The following CNTN5 variants were observed in gnomAD, a reference collection of about 807,000 sequenced individuals.
CNTN5 encodes contactin-5.
A neutral mutation model predicts 129.1 loss-of-function variants in CNTN5; 77 were observed. That is an observed-to-expected ratio of 0.60 (90% CI 0.50 to 0.72). CNTN5 has a LOEUF of 0.72. Ranked by LOEUF, CNTN5 falls within the 30% of genes least tolerant of loss-of-function variation. The pLI, the probability that CNTN5 is intolerant of heterozygous loss-of-function variation, is 0.00. For missense variants in CNTN5, 1,478 were observed against 1,328.8 expected (o/e 1.11, Z -1.75); for synonymous variants, 509 against 465.6 (o/e 1.09, Z -1.20).
chr11:99,080,608 C>T (rs1865752073), intron 1 of CNTN5, among the ~76,000 whole-genome samples: 1 of 152,116 alleles, frequency 6.6e-6, no homozygotes. Flanking sequence ...AGCCAGCTCC[C>T]CTTAAGTGGC....
intron 1 of CNTN5, among the ~76,000 whole-genome samples, chr11:99,101,365 C>G (rs1042917798): frequency 1.3e-5 from 2 of 152,190 alleles, no homozygotes; most frequent in African/African-American, 4.8e-5. Flanking sequence ...CAAAACCAAT[C>G]TTGCATTCCC....
rs1300316213 is a variant in CNTN5 at position 100,223,578 on chromosome 11, C to A, written c.1885-1114C>A. 3.9e-5 allele frequency among the ~76,000 whole-genome samples: 6 copies of A among 152,076 alleles called. No individual in the cohort carries two copies. In the East Asian group the frequency reaches 1.2e-3, roughly 29 times the overall value. ...TAAATAATTATCAGGATACTGACTACTAAGAACAAACACATCACTTTTTAA... is the reference window on the plus strand; with the variant it reads ...TAAATAATTATCAGGATACTGACTAATAAGAACAAACACATCACTTTTTAA... On this transcript the variant is annotated intron_variant, in intron 15 of 24. Coordinates refer to ENST00000524871, the MANE Select transcript of CNTN5 (RefSeq NM_014361.4).
chr11:100,204,651 T>C (rs1236075268), intron 15 of CNTN5, among the ~76,000 whole-genome samples: 3 of 151,730 alleles, frequency 2.0e-5, no homozygotes, highest in African/African-American at 4.8e-5. Context: ...GTTGTAATTA[T>C]AGAATATTAT....
chr11:99,900,705 T>G (rs1221650102), intron 6 of CNTN5, among the ~76,000 whole-genome samples: 1 of 152,188 alleles, frequency 6.6e-6, no homozygotes, highest in Non-Finnish European at 1.5e-5. Flanking sequence ...AGATCTTATT[T>G]ATTTATCCAA....
At chr11:99,075,898 T>A (rs183805876) in intron 1 of CNTN5, among the ~76,000 whole-genome samples, 2 of 152,312 alleles carry the variant, frequency 1.3e-5, no homozygotes. Flanking sequence ...TGACAGACGT[T>A]TGAACTAAAA....
At chr11:100,274,881 C>T (rs1234590330) in intron 18 of CNTN5, among the ~76,000 whole-genome samples, 1 of 152,208 alleles carries the variant, frequency 6.6e-6, no homozygotes, top group Non-Finnish European at 1.5e-5. Flanking sequence ...ACTCCCATTA[C>T]TGGGTATGTG....
intron 13 of CNTN5, among the ~76,000 whole-genome samples, chr11:100,108,688 C>A (rs1182492657): frequency 6.6e-6 from 1 of 151,900 alleles, no homozygotes; most frequent in Non-Finnish European, 1.5e-5. Flanking sequence ...TTTATAATAT[C>A]ATGTATTATT....
chr11:99,795,839 T>C (rs940307060), intron 3 of CNTN5, among the ~76,000 whole-genome samples: 7 of 152,136 alleles, frequency 4.6e-5, no homozygotes, highest in Admixed American at 1.3e-4. Context: ...ATCTGATCCA[T>C]TGAGGTTAGG....
chr11:99,468,985 T>C (rs1404804163), intron 2 of CNTN5, among the ~76,000 whole-genome samples: 2 of 152,140 alleles, frequency 1.3e-5, no homozygotes, highest in South Asian at 2.1e-4. Flanking sequence ...TGCTTATTTT[T>C]GATATTTACT....
intron 3 of CNTN5, among the ~76,000 whole-genome samples, chr11:99,726,108 G>A (rs1463802902): frequency 6.6e-6 from 1 of 152,134 alleles, no homozygotes; most frequent in African/African-American, 2.4e-5. Flanking sequence ...TGATGTCAGT[G>A]GTATCTCCTC....
intron 9 of CNTN5, among the ~76,000 whole-genome samples, chr11:100,041,930 G>T (rs907401667): frequency 1.3e-5 from 2 of 152,122 alleles, no homozygotes; most frequent in East Asian, 1.9e-4. Context: ...ATAATCACAC[G>T]TTCTGAGTCA....
Position 99,251,395 on chromosome 11 carries a change from G to C in CNTN5, c.-209-73951G>C, listed in dbSNP as rs143568701. Among the ~76,000 whole-genome samples the C allele has an allele frequency of 3.5e-3, 526 of 151,926 alleles. 3 individuals carry two copies. Among genetic ancestry groups the C allele is most frequent in the African/African-American group, 0.012 (506 of 41,522 alleles). ...AGGGAGACAAGATAAATACATTTAA[G>C]TAAAGTTGTTTTAAATGTCTAGAAG... On this transcript the variant is annotated intron_variant, in intron 1 of 24. Coordinates refer to ENST00000524871, the MANE Select transcript of CNTN5 (RefSeq NM_014361.4).
At chr11:99,227,898 G>GT (rs1860774812) in intron 1 of CNTN5, among the ~76,000 whole-genome samples, 1 of 152,088 alleles carries the variant, frequency 6.6e-6, no homozygotes. Context: ...ACGTGAGTAT[G>GT]TATCTATATT....
At chr11:99,270,653 T>A (rs1863129162) in intron 1 of CNTN5, among the ~76,000 whole-genome samples, 1 of 151,972 alleles carries the variant, frequency 6.6e-6, no homozygotes, top group Non-Finnish European at 1.5e-5. Context: ...AATAAAATTT[T>A]GTGAGTTAAA....
chr11:99,593,951 G>A (rs2135676174), intron 3 of CNTN5, among the ~76,000 whole-genome samples: 1 of 152,318 alleles, frequency 6.6e-6, no homozygotes, highest in East Asian at 1.9e-4. Context: ...ACAGCGTGAA[G>A]TGTGTCCTCT....
At chr11:100,302,173 A>G (rs1284583570) in intron 20 of CNTN5, among the ~76,000 whole-genome samples, 1 of 151,664 alleles carries the variant, frequency 6.6e-6, no homozygotes, top group Non-Finnish European at 1.5e-5. Context: ...TTTTTTAGTC[A>G]CTTCGCAATT....
chr11:99,580,000 G>A (rs200184123), intron 3 of CNTN5, among the ~76,000 whole-genome samples: 5 of 143,184 alleles, frequency 3.5e-5, no homozygotes, highest in East Asian at 4.3e-4. Context: ...TTTGAGATAC[G>A]TCCCATCAAT....
intron 4 of CNTN5, among the ~76,000 whole-genome samples, chr11:99,823,285 T>C (rs1290512870): frequency 6.6e-6 from 1 of 152,222 alleles, no homozygotes; most frequent in African/African-American, 2.4e-5. Flanking sequence ...CATAGTTTCA[T>C]AGCTTTAAAG....
At chr11:99,650,504 C>T (rs902889592) in intron 3 of CNTN5, among the ~76,000 whole-genome samples, 1 of 151,894 alleles carries the variant, frequency 6.6e-6, no homozygotes, top group African/African-American at 2.4e-5. Flanking sequence ...ACCATAAGAA[C>T]ATTACTGATT....
Sources: gnomAD v4.1 joint callset for allele counts (sites outside exome capture counted in the v4.1 genomes callset) on GRCh38, gnomAD v4.1.1 for gene constraint, MANE v1.5 for transcripts, NCBI Gene and HGNC (gene_info 2026-07-23, HGNC 2026-07-21) for gene names.